The following ASB14 variants were observed in gnomAD, a reference collection of about 807,000 sequenced individuals.
ASB14 encodes ankyrin repeat and SOCS box protein 14.
A neutral mutation model predicts 55.6 loss-of-function variants in ASB14; 63 were observed. That is an observed-to-expected ratio of 1.13 (90% confidence interval 0.92 to 1.40). The LOEUF is 1.40. Among genes scored for constraint, ASB14 ranks in the 40% most tolerant of loss-of-function variants. The pLI is 0.00. For synonymous variants in ASB14, 256 were observed against 259.9 expected (o/e 0.98, Z 0.15); for missense variants, 724 against 710.4 (o/e 1.02, Z -0.22).
At chr3:57,284,094 A>ATGTATGTG (rs1553640084) in intron 5 of ASB14, among the ~76,000 whole-genome samples, 10 of 136,488 alleles carry the variant, frequency 7.3e-5, no homozygotes, top group South Asian at 2.4e-4. Context: ...AACACTGTGT[A>ATGTATGTG]TGTGTGTGTG....
chr3:57,276,158 C>T (rs1165680635), intron 10 of ASB14, among the ~76,000 whole-genome samples: 1 of 150,884 alleles, frequency 6.6e-6, no homozygotes, highest in African/African-American at 2.4e-5. Flanking sequence ...TGGATTTATA[C>T]ACTTAATTAA....
Position 57,288,237 on chromosome 3 carries a change from A to T in ASB14, c.228T>A (p.Gly76=), listed in dbSNP as rs1376407756. 1 of 1,536,830 alleles carries T rather than the reference A, an allele frequency of 6.5e-7. No homozygotes were observed. Among genetic ancestry groups the T allele is most frequent in the African/African-American group, 1.4e-5 (1 of 73,026 alleles). The change falls in exon 4 of 11, where the codon GGT becomes GGA. Residue 76 remains glycine, a synonymous_variant. Transcript: ENST00000487349. ...SHLTKYHSAF[G]EADEIGWIPL... is the part of the protein sequence containing the mutation. ...GAATCCAGCCTATCTCATCTGCTTC[A>T]CCAAATGCGGAATGGTACTTGGTTA...
intron 10 of ASB14, among the ~76,000 whole-genome samples, chr3:57,274,498 A>G (rs1382767815): frequency 6.6e-6 from 1 of 152,140 alleles, no homozygotes; most frequent in Non-Finnish European, 1.5e-5. Context: ...CCTGACCAAC[A>G]TGGTGAAACC....
At chr3:57,275,006 C>T (rs2060975213) in intron 10 of ASB14, among the ~76,000 whole-genome samples, 1 of 152,170 alleles carries the variant, frequency 6.6e-6, no homozygotes, top group Non-Finnish European at 1.5e-5. Flanking sequence ...GTAATAGACA[C>T]TAAGCTGGTA....
chr3:57,284,016 T>C (rs775126913), intron 5 of ASB14, among the ~76,000 whole-genome samples: 7 of 151,714 alleles, frequency 4.6e-5, no homozygotes, highest in Non-Finnish European at 8.8e-5. Flanking sequence ...GAAAGCCCCT[T>C]AAGTTTCTGT....
chr3:57,277,301 C>T (rs1195490065), intron 9 of ASB14, among the ~76,000 whole-genome samples: 3 of 151,562 alleles, frequency 2.0e-5, no homozygotes, highest in Admixed American at 1.3e-4. Context: ...TTAGCCCCCT[C>T]AGGGACAGGG....
rs2060988232 is a variant in ASB14, at chr3:57,276,543, G to A, written c.*7C>T. 6.3e-7 allele frequency: 1 copy of A among 1,596,144 alleles called. No individual in the cohort carries two copies. The highest frequency in any genetic ancestry group is 8.6e-7 in the Non-Finnish European group (1 of 1,167,242). The stretch of plus-strand genomic sequence containing the variant: ...AAAATTATACCTTTTCCATTAGAAT[G>A]GTTTGATTACCAGGTTCCTGTAAAA... On this transcript the variant is annotated 3_prime_UTR_variant, in exon 10 of 11. Coordinates refer to ENST00000487349, the MANE Select transcript of ASB14 (RefSeq NM_001142733.3).
intron 2 of ASB14, among the ~76,000 whole-genome samples, chr3:57,291,511 A>ATT (rs1224803457): frequency 3.3e-5 from 5 of 152,218 alleles, no homozygotes; most frequent in Admixed American, 6.5e-5. Context: ...AGTAGATCAA[A>ATT]GACTGGACCC....
intron 2 of ASB14, among the ~76,000 whole-genome samples, chr3:57,289,517 T>A (rs183978089): frequency 1.3e-5 from 2 of 152,228 alleles, no homozygotes; most frequent in Non-Finnish European, 2.9e-5. Flanking sequence ...GAAACTATTT[T>A]AAAAAATAGT....
At chr3:57,270,051 T>A (rs939422680) in intron 10 of ASB14, 1 of 160,508 alleles carries the variant, frequency 6.2e-6, no homozygotes, top group African/African-American at 2.4e-5. Context: ...GCTTAGACAT[T>A]CATGGATATG....
Position 57,283,334 on chromosome 3 carries a change from T to C in ASB14, c.575A>G (p.Lys192Arg), listed in dbSNP as rs1354591140. 2 of 1,551,810 alleles carry C rather than the reference T, an allele frequency of 1.3e-6. No individual in the cohort carries two copies. The highest frequency in any genetic ancestry group is 1.7e-6 in the Non-Finnish European group (2 of 1,147,012). The change falls in exon 6 of 11, where the codon AAA (lysine) becomes AGA (arginine). Residue 192 changes from lysine to arginine, a missense_variant. Coordinates refer to ENST00000487349, the MANE Select transcript of ASB14 (RefSeq NM_001142733.3). ...CTTCACCATGTCCTCTCTGCCCAGT[T>C]TGGCTGCTTCGTGGAGAGCTGTCCT... ...NERTALHEAA[K>R]LGREDMVKLM...
chr3:57,287,128 G>T (rs2061086714), intron 5 of ASB14, among the ~76,000 whole-genome samples: 1 of 152,086 alleles, frequency 6.6e-6, no homozygotes, highest in Non-Finnish European at 1.5e-5. Flanking sequence ...AACTCTATTT[G>T]TTGAAGATTT....
At chr3:57,276,414 C>T (rs1427689283) in intron 10 of ASB14, 114 bp downstream of exon 10, 2 of 736,030 alleles carry the variant, frequency 2.7e-6, no homozygotes, top group Non-Finnish European at 4.2e-6. Context: ...GCCTCCCAAG[C>T]AGAGCTACTT....
intron 1 of ASB14, 64 bp from the exon 2 acceptor site, chr3:57,292,168 A>G (rs1196450981): frequency 2.8e-6 from 3 of 1,078,824 alleles, no homozygotes; most frequent in Non-Finnish European, 3.6e-6. Context: ...AATGAAAAAT[A>G]TACAAAATTT....
chr3:57,277,295 C>T (rs922160358), intron 9 of ASB14, among the ~76,000 whole-genome samples: 1 of 151,794 alleles, frequency 6.6e-6, no homozygotes, highest in African/African-American at 2.4e-5. Context: ...TGTGTTTTAG[C>T]CCCCTCAGGG....
intron 10 of ASB14, among the ~76,000 whole-genome samples, chr3:57,273,908 T>C (rs758408286): frequency 6.6e-6 from 1 of 152,206 alleles, no homozygotes; most frequent in African/African-American, 2.4e-5. Context: ...TAGAAATGTA[T>C]ATATACTTTT....
intron 5 of ASB14, among the ~76,000 whole-genome samples, chr3:57,285,000 C>T (rs549974308): frequency 3.6e-5 from 5 of 139,200 alleles, no homozygotes; most frequent in South Asian, 4.8e-4. Flanking sequence ...AGTGCAGTGG[C>T]GCAATCTTGG....
At chr3:57,272,705 T>G (rs1211843696) in intron 10 of ASB14, 1 of 152,276 alleles carries the variant, frequency 6.6e-6, no homozygotes, top group Non-Finnish European at 1.5e-5. Context: ...GTTCACGCCA[T>G]TCTCCTGCCT....
At chr3:57,286,539 T>G (rs1474420301) in intron 5 of ASB14, among the ~76,000 whole-genome samples, 1 of 152,198 alleles carries the variant, frequency 6.6e-6, no homozygotes, top group African/African-American at 2.4e-5. Context: ...TTTATCCATC[T>G]CGCTATTCAA....
Sources: allele counts gnomAD v4.1 joint callset (sites outside exome capture counted in the v4.1 genomes callset), GRCh38; gene constraint gnomAD v4.1.1; transcripts MANE v1.5; gene names NCBI Gene and HGNC (gene_info 2026-07-23, HGNC 2026-07-21).